AARS1: variants seen among roughly 807,000 people sequenced by gnomAD.
AARS1 encodes the protein alanyl-tRNA synthetase 1, also known as alanine--tRNA ligase, cytoplasmic.
AARS1 carries 72 observed loss-of-function variants against 108.9 expected under a neutral mutation model. The observed-to-expected ratio is 0.66, with a 90% confidence interval of 0.55 to 0.80. The LOEUF is 0.80. AARS1 is among the 30% of genes least tolerant of loss of function. The pLI is 0.00. For synonymous variants in AARS1, 489 were observed against 465.7 expected (o/e 1.05, Z -0.64); for missense variants, 1,193 against 1,233.2 (o/e 0.97, Z 0.49).
chr16:70,287,505 A>C (rs1048639915), intron 1 of AARS1, among the ~76,000 whole-genome samples: 13 of 150,928 alleles, frequency 8.6e-5, no homozygotes, highest in Admixed American at 6.6e-4. Flanking sequence ...TGGGAGGCTG[A>C]AACAGGAGGA....
At chr16:70,275,182 C>T (rs780912379) in intron 4 of AARS1, among the ~76,000 whole-genome samples, 18 of 152,038 alleles carry the variant, frequency 1.2e-4, no homozygotes, top group Non-Finnish European at 2.1e-4. Context: ...ATCGCCTTAA[C>T]CCGGGAGGCA....
At chr16:70,270,111 G>A (rs1421230414) in intron 6 of AARS1, 85 bp downstream of exon 6, 1 of 1,526,212 alleles carries the variant, frequency 6.6e-7, no homozygotes, top group Non-Finnish European at 9.1e-7. Context: ...CAAAGCATAT[G>A]GTCATTTTTT....
chr16:70,253,649 G>A, intron 19 of AARS1, 65 bp downstream of exon 19: 1 of 1,557,262 alleles, frequency 6.4e-7, no homozygotes, highest in South Asian at 1.1e-5. Flanking sequence ...GAGCCACAGA[G>A]GCCACATGTC....
At chr16:70,286,973 C>T (rs1260050268) in intron 1 of AARS1, among the ~76,000 whole-genome samples, 1 of 151,414 alleles carries the variant, frequency 6.6e-6, no homozygotes, top group Non-Finnish European at 1.5e-5. Flanking sequence ...AAAATTAGGC[C>T]GGGCGCGGTG....
chr16:70,269,836 T>C (rs1960354732), intron 6 of AARS1, 73 bp from the exon 7 acceptor site: 6 of 1,591,582 alleles, frequency 3.8e-6, no homozygotes, highest in East Asian at 4.5e-5. Flanking sequence ...AGGAGGTTCC[T>C]GGAGGATTGA....
At chr16:70,261,686 T>TTTC (rs1254838060) in intron 12 of AARS1, among the ~76,000 whole-genome samples, 1 of 151,022 alleles carries the variant, frequency 6.6e-6, no homozygotes, top group African/African-American at 2.4e-5. Flanking sequence ...TTTTTTTTTT[T>TTTC]TGAGACAGAG....
chr16:70,259,211 G>GA lies in AARS1; in HGVS notation c.1786-26dup, dbSNP rs759349135. On this transcript the variant is annotated intron_variant, in intron 13 of 20. Transcript: ENST00000261772. The stretch of plus-strand genomic sequence containing the variant: ...GCTGGAAAGGGCAGAGGGGCTCATG[G>GA]AGAGGTCTGTAATAGACTGCTAGTT... The GA allele has an allele frequency of 8.7e-6, 14 of 1,606,114 alleles. No homozygotes were observed. In the East Asian group the frequency reaches 2.7e-4, roughly 31 times the overall value.
chr16:70,252,984 G>T, intron 20 of AARS1, 78 bp from the exon 21 acceptor site: 2 of 1,471,400 alleles, frequency 1.4e-6, no homozygotes, highest in Non-Finnish European at 1.9e-6. Flanking sequence ...AAAGGATGGA[G>T]GAGCCATCAC....
Position 70,265,002 on chromosome 16 carries a change from T to C in AARS1, c.1448A>G (p.Asp483Gly). 6.2e-7 allele frequency: 1 copy of C among 1,614,114 alleles called. No homozygotes were observed. The highest frequency in any genetic ancestry group is 2.2e-5 in the East Asian group (1 of 44,882). Reference protein sequence around the residue: ...LRARGLEVTDDSPKYNYHLDS... With the variant: ...LRARGLEVTDGSPKYNYHLDS... ...CAAATGGTAATTGTACTTTGGGGAA[T>C]CATCTGTGACCTCCAGACCCCGTGC... is the stretch of plus-strand genomic sequence containing the variant. The change falls in exon 11 of 21, where the codon GAT becomes GGT. Residue 483 changes from aspartate (D) to glycine (G), a missense_variant. Transcript: ENST00000261772.
rs376138540 is a variant in AARS1, at chr16:70,262,439, T to C, written c.1578A>G (p.Gly526=). Reference sequence around the variant, plus strand: ...AGAAACAGGTCTTGTCCAGCACCACTCCACACTCCTGGCCTGTGGACACCT... The same window carrying C: ...AGAAACAGGTCTTGTCCAGCACCACCCCACACTCCTGGCCTGTGGACACCT... The part of the protein sequence containing the change: ...VEEVSTGQEC[G]VVLDKTCFYA... Residue 526 remains glycine (G), a synonymous_variant, in exon 12 of 21, where the codon GGA becomes GGG. Transcript: ENST00000261772. 1.2e-6 allele frequency: 2 copies of C among 1,614,042 alleles called. No homozygotes were observed. Among genetic ancestry groups the C allele is most frequent in the African/African-American group, 2.7e-5 (2 of 74,924 alleles).
In AARS1 at chr16:70,267,639, G is replaced by C. The variant is rs754044806; in HGVS notation, c.1222+20C>G. The stretch of plus-strand genomic sequence containing the variant: ...AAGATCAAACGGCCAGGATGGAGAA[G>C]GGCAAAAACTGGTACCTACCGGGAA... On this transcript the variant is annotated intron_variant, in intron 9 of 20. Coordinates refer to ENST00000261772, the MANE Select transcript of AARS1 (RefSeq NM_001605.3). 2 of 1,614,106 alleles carry C rather than the reference G, an allele frequency of 1.2e-6. No individual in the cohort carries two copies. Among genetic ancestry groups the C allele is most frequent in the South Asian group, 1.1e-5 (1 of 91,076 alleles).
chr16:70,279,408 C>G lies in AARS1; in HGVS notation c.145-2254G>C, dbSNP rs1312352501. On this transcript the variant is annotated intron_variant, in intron 2 of 20. Coordinates refer to ENST00000261772, the MANE Select transcript of AARS1 (RefSeq NM_001605.3). ...GGTGCGGTGGCTCACACCTGTAATC[C>G]CAGCACTTTGGGAGGCCGAGATGTG... is the stretch of plus-strand genomic sequence containing the variant. Among the ~76,000 whole-genome samples the G allele has an allele frequency of 2.7e-5, 4 of 149,428 alleles. No individual in the cohort carries two copies. The South Asian group carries it at 8.5e-4, about 32-fold the overall frequency.
intron 1 of AARS1, among the ~76,000 whole-genome samples, chr16:70,284,390 C>G (rs557111291): frequency 5.0e-4 from 76 of 151,612 alleles, no homozygotes; most frequent in African/African-American, 1.7e-3. Flanking sequence ...ATCACGAGGT[C>G]AGGAGATCAA....
At chr16:70,256,046 G>C (rs1211097027) in intron 15 of AARS1, among the ~76,000 whole-genome samples, 1 of 152,178 alleles carries the variant, frequency 6.6e-6, no homozygotes, top group Non-Finnish European at 1.5e-5. Context: ...CACAGTTGCT[G>C]TGAAAATCAA....
At chr16:70,264,884 T>G in intron 11 of AARS1, 74 bp downstream of exon 11, 1 of 1,595,042 alleles carries the variant, frequency 6.3e-7, no homozygotes, top group Non-Finnish European at 8.6e-7. Flanking sequence ...GAGCTAATCT[T>G]GAGAAACAAT....
In AARS1 at chr16:70,269,592, C is replaced by T. The variant is rs757125213; in HGVS notation, c.962+26G>A. 9 of 1,613,098 alleles carry T rather than the reference C, an allele frequency of 5.6e-6. No homozygotes were observed. The South Asian group carries it at 9.9e-5, about 18-fold the overall frequency. On this transcript the variant is annotated intron_variant, in intron 7 of 20. Transcript: ENST00000261772. ...ATAGCACACGTGGTGCCGCTCCAAA[C>T]ACCACCCAGTGTGCAGCATACTTAC...
intron 15 of AARS1, among the ~76,000 whole-genome samples, chr16:70,256,314 GTTTGT>G: frequency 6.6e-6 from 1 of 151,934 alleles, no homozygotes; most frequent in Non-Finnish European, 1.5e-5. Flanking sequence ...TTTTTTGTTT[GTTTGT>G]TTTGAGACAG....
At position 70,259,090 on chromosome 16, in the gene AARS1, A is replaced by T. The variant is rs200896501; in HGVS notation, c.1882T>A (p.Leu628Met). ...VLGEADQKGS[L>M]VAPDRLRFDF... is the part of the protein sequence containing the mutation. ...AATCTGAGGCGGTCAGGAGCAACCA[A>T]TGAGCCTTTCTGGTCAGCTTCCCCA... is the stretch of plus-strand genomic sequence containing the variant. Residue 628 changes from leucine (L) to methionine (M), a missense_variant, in exon 14 of 21, where the codon TTG becomes ATG. Physicochemically the swap from Leu to Met is conservative, Grantham distance 15. Coordinates refer to ENST00000261772, the MANE Select transcript of AARS1 (RefSeq NM_001605.3). 1 of 1,614,142 alleles carries T rather than the reference A, an allele frequency of 6.2e-7. No individual in the cohort carries two copies. Among genetic ancestry groups the T allele is most frequent in the East Asian group, 2.2e-5 (1 of 44,882 alleles).
At position 70,254,636 on chromosome 16, in the gene AARS1, G is replaced by A. The variant is rs1283711323; in HGVS notation, c.2385C>T (p.Ile795=). The A allele has an allele frequency of 5.0e-6, 8 of 1,613,622 alleles. No individual in the cohort carries two copies. Among genetic ancestry groups the A allele is most frequent in the African/African-American group, 2.7e-5 (2 of 74,908 alleles). Residue 795 remains isoleucine (I), a synonymous_variant, in exon 17 of 21, where the codon ATC becomes ATT. Transcript: ENST00000261772. ...CCGCCCCTACCTCTCCAAGGTCAGC[G>A]ATCTCCCTCTGCACATCCTTGTTTG... is the stretch of plus-strand genomic sequence containing the variant. ...TAPNKDVQRE[I]ADLGEALATA... is the part of the protein sequence containing the mutation.
Sources: gnomAD v4.1 joint callset for allele counts (sites outside exome capture counted in the v4.1 genomes callset) on GRCh38, gnomAD v4.1.1 for gene constraint, MANE v1.5 for transcripts, NCBI Gene and HGNC (gene_info 2026-07-23, HGNC 2026-07-21) for gene names.